The following ADAMTSL3 variants were observed in gnomAD, a reference collection of about 807,000 sequenced individuals.
The protein encoded by ADAMTSL3 is ADAMTS-like protein 3.
ADAMTSL3 carries 128 observed loss-of-function variants against 201.7 expected under a neutral mutation model. The observed-to-expected ratio is 0.63, with a 90% CI of 0.55 to 0.73. The LOEUF is 0.73. ADAMTSL3 is among the 30% of genes least tolerant of loss of function. ADAMTSL3 has a pLI of 0.00. For missense variants in ADAMTSL3, 1,990 were observed against 2,119.6 expected, an observed-to-expected ratio of 0.94 and a Z score of 1.20; for synonymous variants, 738 against 748.4, an observed-to-expected ratio of 0.99 and a Z score of 0.23.
At chr15:83,884,518 A>G (rs1271311482) in intron 9 of ADAMTSL3, among the ~76,000 whole-genome samples, 1 of 150,554 alleles carries the variant, frequency 6.6e-6, no homozygotes, top group African/African-American at 2.4e-5. Flanking sequence ...CAAGTGATCT[A>G]CCTGCCTTGA....
At chr15:83,763,709 G>A (rs1281908839) in intron 3 of ADAMTSL3, among the ~76,000 whole-genome samples, 3 of 152,144 alleles carry the variant, frequency 2.0e-5, no homozygotes, top group East Asian at 1.9e-4. Context: ...GTTTCACCCT[G>A]TTAGCCAGGA....
intron 20 of ADAMTSL3, 150 bp downstream of exon 20, chr15:83,970,787 G>C: frequency 4.2e-6 from 4 of 943,508 alleles, no homozygotes; most frequent in Non-Finnish European, 6.3e-6. Flanking sequence ...GCGATCAGTA[G>C]AACGTGGAAG....
intron 22 of ADAMTSL3, among the ~76,000 whole-genome samples, chr15:83,989,610 G>T (rs1211257819): frequency 6.6e-6 from 1 of 152,224 alleles, no homozygotes; most frequent in East Asian, 1.9e-4. Flanking sequence ...GAGTCTTCTT[G>T]GGAGGTGGAC....
chr15:84,009,295 T>G (rs1048549829), intron 23 of ADAMTSL3, among the ~76,000 whole-genome samples: 4 of 152,214 alleles, frequency 2.6e-5, no homozygotes, highest in African/African-American at 9.6e-5. Flanking sequence ...CCACATGCTC[T>G]TTTACTTTCC....
At chr15:84,020,966 T>A (rs934430161) in intron 25 of ADAMTSL3, among the ~76,000 whole-genome samples, 1 of 152,212 alleles carries the variant, frequency 6.6e-6, no homozygotes, top group African/African-American at 2.4e-5. Context: ...TAATCCCTAG[T>A]CCCTGTTCCT....
Position 83,678,208 on chromosome 15 carries a change from C to T in ADAMTSL3, c.69+22378C>T, listed in dbSNP as rs368772746. ...CATAAGGAGAAGGATATTCTATTAT[C>T]TTCACCCCTATTTTTGCCCATTAAT... is the stretch of plus-strand genomic sequence containing the variant. On this transcript the variant is annotated intron_variant, in intron 2 of 29. Transcript: ENST00000286744. 9.2e-5 allele frequency among the ~76,000 whole-genome samples: 14 copies of T among 152,174 alleles called. No individual in the cohort carries two copies. The East Asian group carries it at 2.1e-3, about 23-fold the overall frequency.
intron 27 of ADAMTSL3, among the ~76,000 whole-genome samples, chr15:84,030,871 A>C (rs576870452): frequency 1.6e-4 from 25 of 152,296 alleles, no homozygotes; most frequent in African/African-American, 5.8e-4. Context: ...TATTCTCATG[A>C]TAGTGAGTGA....
chr15:84,033,350 C>T (rs989188684), intron 28 of ADAMTSL3, among the ~76,000 whole-genome samples: 7 of 152,158 alleles, frequency 4.6e-5, no homozygotes, highest in African/African-American at 1.4e-4. Flanking sequence ...ACCAAATCCT[C>T]AATGTGACCT....
intron 19 of ADAMTSL3, among the ~76,000 whole-genome samples, chr15:83,965,970 G>A (rs139968426): frequency 4.5e-4 from 68 of 152,240 alleles, no homozygotes; most frequent in Non-Finnish European, 9.3e-4. Context: ...AAATAAATAC[G>A]TTATTTGAAA....
intron 6 of ADAMTSL3, among the ~76,000 whole-genome samples, chr15:83,837,628 A>T (rs2064300160): frequency 6.6e-6 from 1 of 151,894 alleles, no homozygotes; most frequent in Admixed American, 6.6e-5. Flanking sequence ...ATCAAATTTT[A>T]AAAAGCTGGG....
intron 3 of ADAMTSL3, among the ~76,000 whole-genome samples, chr15:83,762,056 A>ATT (rs11448050): frequency 2.7e-4 from 39 of 145,272 alleles, no homozygotes; most frequent in East Asian, 2.4e-3. Context: ...CCAGAATATG[A>ATT]TTTTTTTTTT....
intron 9 of ADAMTSL3, among the ~76,000 whole-genome samples, chr15:83,875,774 T>C (rs1186482996): frequency 5.3e-5 from 8 of 151,838 alleles, no homozygotes; most frequent in Non-Finnish European, 1.0e-4. Context: ...AGAGCGAGAC[T>C]TCATCTCAAA....
intron 24 of ADAMTSL3, among the ~76,000 whole-genome samples, chr15:84,014,982 C>T (rs1237607424): frequency 2.0e-5 from 3 of 151,656 alleles, no homozygotes; most frequent in Non-Finnish European, 4.4e-5. Context: ...AGTCTTGCTC[C>T]GTCACCAGGC....
chr15:83,798,390 G>A (rs2063462003), intron 4 of ADAMTSL3, among the ~76,000 whole-genome samples: 1 of 152,188 alleles, frequency 6.6e-6, no homozygotes, highest in South Asian at 2.1e-4. Context: ...TGCATAAATT[G>A]AGAGAATAAT....
intron 17 of ADAMTSL3, among the ~76,000 whole-genome samples, chr15:83,932,678 A>G (rs535002743): frequency 6.6e-6 from 1 of 152,350 alleles, no homozygotes; most frequent in African/African-American, 2.4e-5. Context: ...TATTCACTCT[A>G]TGTGATCCAA....
chr15:83,658,028 T>G (rs17158722), intron 2 of ADAMTSL3, among the ~76,000 whole-genome samples: 12,182 of 152,248 alleles, frequency 0.08, 1,647 homozygotes, highest in African/African-American at 0.28. Context: ...CCAAGGTGGT[T>G]GTTAGAAAAC....
chr15:83,746,226 A>G (rs2062544778), intron 3 of ADAMTSL3, among the ~76,000 whole-genome samples: 1 of 151,734 alleles, frequency 6.6e-6, no homozygotes, highest in African/African-American at 2.4e-5. Flanking sequence ...ATGTTTGCCC[A>G]GAAGCACCGA....
chr15:83,851,082 G>C (rs1476870546), intron 7 of ADAMTSL3, among the ~76,000 whole-genome samples: 1 of 152,228 alleles, frequency 6.6e-6, no homozygotes, highest in South Asian at 2.1e-4. Flanking sequence ...TGGAGCAGGT[G>C]TCTGTGTTTT....
At chr15:83,994,639 C>A in intron 23 of ADAMTSL3, among the ~76,000 whole-genome samples, 1 of 120,400 alleles carries the variant, frequency 8.3e-6, no homozygotes, top group East Asian at 2.7e-4. Flanking sequence ...CTCTGTTGCC[C>A]AGGTTGGAGG....
Sources: allele counts gnomAD v4.1 joint callset (sites outside exome capture counted in the v4.1 genomes callset), GRCh38; gene constraint gnomAD v4.1.1; transcripts MANE v1.5; gene names NCBI Gene and HGNC (gene_info 2026-07-23, HGNC 2026-07-21).